The following WDFY3 variants were observed in gnomAD, a reference collection of about 807,000 sequenced individuals.
WDFY3 encodes WD repeat and FYVE domain-containing protein 3.
In WDFY3, 66 loss-of-function variants were observed where a neutral mutation model predicts 409.6. The ratio of observed to expected loss-of-function variants is 0.16; its 90% CI spans 0.13 to 0.20. The LOEUF (loss-of-function observed/expected upper bound fraction) is 0.20, where lower values mean the gene tolerates loss of function less well. WDFY3 is among the 10% of genes least tolerant of loss of function. WDFY3 has a pLI of 1.00. For synonymous variants in WDFY3, 1,521 were observed against 1,537.1 expected (o/e 0.99, Z 0.25); for missense variants, 3,031 against 4,298.1 (o/e 0.71, Z 8.24).
chr4:84,844,171 G>C (rs958877264), intron 5 of WDFY3, among the ~76,000 whole-genome samples: 5 of 152,082 alleles, frequency 3.3e-5, no homozygotes, highest in African/African-American at 9.7e-5. Context: ...TTAGCATTCA[G>C]AACAACCAGA....
chr4:84,792,794 CCATT>C (rs1748741653), intron 21 of WDFY3, among the ~76,000 whole-genome samples: 2 of 152,256 alleles, frequency 1.3e-5, no homozygotes, highest in Admixed American at 6.5e-5. Context: ...TTCAAATTCC[CCATT>C]ATTATTCACT....
chr4:84,920,570 T>G (rs1282335230), intron 2 of WDFY3, among the ~76,000 whole-genome samples: 1 of 152,196 alleles, frequency 6.6e-6, no homozygotes, highest in East Asian at 1.9e-4. Flanking sequence ...TGGATGCTCT[T>G]TATATTATTT....
intron 12 of WDFY3, among the ~76,000 whole-genome samples, chr4:84,819,218 C>T (rs1231748310): frequency 6.6e-6 from 1 of 151,970 alleles, no homozygotes; most frequent in African/African-American, 2.4e-5. Context: ...ATGATCTTAC[C>T]TTAGCATCTA....
At chr4:84,677,983 A>G (rs987912923) in intron 66 of WDFY3, among the ~76,000 whole-genome samples, 185 bp downstream of exon 66, 3 of 151,376 alleles carry the variant, frequency 2.0e-5, no homozygotes, top group Non-Finnish European at 4.4e-5. Flanking sequence ...AAAAAAAAAA[A>G]AAAAGAAAAA....
At chr4:84,708,100 A>C (rs543899118) in intron 53 of WDFY3, among the ~76,000 whole-genome samples, 170 of 152,344 alleles carry the variant, frequency 1.1e-3, no homozygotes, top group Non-Finnish European at 1.9e-3. Context: ...TGAACTAATC[A>C]GATGTCTATC....
intron 5 of WDFY3, among the ~76,000 whole-genome samples, chr4:84,841,846 T>C (rs1428185911): frequency 6.6e-6 from 1 of 152,106 alleles, no homozygotes; most frequent in African/African-American, 2.4e-5. Context: ...AAGGAGATGA[T>C]GAAAGGATTA....
chr4:84,703,506 C>T (rs1366493656), intron 55 of WDFY3, among the ~76,000 whole-genome samples: 2 of 152,218 alleles, frequency 1.3e-5, no homozygotes, highest in Non-Finnish European at 1.5e-5. Flanking sequence ...GTTTCCTTGT[C>T]GAACTCTTCC....
intron 2 of WDFY3, among the ~76,000 whole-genome samples, chr4:84,916,319 C>T (rs532458486): frequency 1.3e-5 from 2 of 152,264 alleles, no homozygotes; most frequent in Admixed American, 1.3e-4. Context: ...CCTCTCTATC[C>T]TCTTCTTGCC....
chr4:84,935,358 T>A (rs951981575), intron 1 of WDFY3, among the ~76,000 whole-genome samples: 3 of 152,182 alleles, frequency 2.0e-5, no homozygotes, highest in Admixed American at 2.0e-4. Flanking sequence ...AACTACCACA[T>A]CTACAGCCTC....
At chr4:84,896,591 G>A (rs988538153) in intron 3 of WDFY3, among the ~76,000 whole-genome samples, 3 of 152,040 alleles carry the variant, frequency 2.0e-5, no homozygotes, top group South Asian at 4.1e-4. Flanking sequence ...TCCCACTACA[G>A]GGCTCCAGTT....
At chr4:84,905,341 AAAAT>A (rs1191797870) in intron 2 of WDFY3, among the ~76,000 whole-genome samples, 1 of 152,130 alleles carries the variant, frequency 6.6e-6, no homozygotes, top group Non-Finnish European at 1.5e-5. Flanking sequence ...ATCTCAATTA[AAAAT>A]AAATAAATAA....
At chr4:84,934,386 T>C (rs1771150736) in intron 1 of WDFY3, among the ~76,000 whole-genome samples, 1 of 152,178 alleles carries the variant, frequency 6.6e-6, no homozygotes. Context: ...AAAAGTACTC[T>C]TTAAAAGTCT....
rs1431687449 is a variant in WDFY3, at chr4:84,836,313, A to T, written c.576+616T>A. On this transcript the variant is annotated intron_variant, in intron 7 of 67. Coordinates refer to ENST00000295888, the MANE Select transcript of WDFY3 (RefSeq NM_014991.6). Reference sequence around the variant, plus strand: ...AATACTGTATTAGACCAATGGACAGATTATATTCTATATGTTTGTTTGCTT... The same window carrying T: ...AATACTGTATTAGACCAATGGACAGTTTATATTCTATATGTTTGTTTGCTT... Among the ~76,000 whole-genome samples the T allele has an allele frequency of 2.0e-5, 3 of 152,314 alleles. No individual in the cohort carries two copies. The South Asian group carries it at 6.2e-4, about 32-fold the overall frequency.
intron 58 of WDFY3, among the ~76,000 whole-genome samples, chr4:84,695,495 G>C (rs1466409167): frequency 7.5e-6 from 1 of 133,144 alleles, no homozygotes; most frequent in Non-Finnish European, 1.6e-5. Flanking sequence ...CACACACACA[G>C]AGACAGAGAG....
chr4:84,817,527 T>C lies in WDFY3; in HGVS notation c.1752A>G (p.Gln584=), dbSNP rs1464022427. 16 of 1,613,798 alleles carry C rather than the reference T, an allele frequency of 9.9e-6. No individual in the cohort carries two copies. The highest frequency in any genetic ancestry group is 1.4e-5 in the Non-Finnish European group (16 of 1,179,786). Residue 584 remains glutamine (Q), a synonymous_variant, in exon 13 of 68, where the codon CAA becomes CAG. Coordinates refer to ENST00000295888, the MANE Select transcript of WDFY3 (RefSeq NM_014991.6). ...TAGTCATCAAGGCATGCTGCCGGCA[T>C]TGAGGGTACTTTACTATATTATGTG... ...RCAHNIVKYP[Q]CRQHALMTIQ...
intron 51 of WDFY3, among the ~76,000 whole-genome samples, chr4:84,709,850 C>A (rs911999304): frequency 6.6e-6 from 1 of 152,130 alleles, no homozygotes; most frequent in Non-Finnish European, 1.5e-5. Context: ...CCTCAGCCTC[C>A]TGGGTAGCTG....
chr4:84,740,873 C>T (rs545516886), intron 38 of WDFY3, among the ~76,000 whole-genome samples: 1 of 152,228 alleles, frequency 6.6e-6, no homozygotes, highest in Admixed American at 6.5e-5. Flanking sequence ...ACAAATATAT[C>T]CCTTTGAAAA....
intron 44 of WDFY3, among the ~76,000 whole-genome samples, chr4:84,728,027 G>T (rs62303078): frequency 0.01 from 1,522 of 149,864 alleles, 12 homozygotes; most frequent in Non-Finnish European, 0.016. Context: ...AACAGATCAG[G>T]AAATCCAACA....
chr4:84,853,527 T>C (rs1457642777), intron 4 of WDFY3, among the ~76,000 whole-genome samples: 1 of 152,190 alleles, frequency 6.6e-6, no homozygotes, highest in Non-Finnish European at 1.5e-5. Flanking sequence ...ACTCAGGGTG[T>C]ATCAATGTAT....
Sources: gnomAD v4.1 joint callset for allele counts (sites outside exome capture counted in the v4.1 genomes callset) on GRCh38, gnomAD v4.1.1 for gene constraint, MANE v1.5 for transcripts, NCBI Gene and HGNC (gene_info 2026-07-23, HGNC 2026-07-21) for gene names.